The following PHF24 variants were observed in gnomAD, a reference collection of about 807,000 sequenced individuals.
PHF24 encodes the protein Galpha inhibitory interacting protein.
Under a neutral mutation model 42.6 loss-of-function variants are expected in PHF24, and 25 were observed. That is an observed-to-expected ratio of 0.59 (90% confidence interval 0.43 to 0.82). The LOEUF (loss-of-function observed/expected upper bound fraction) is 0.82, where lower values mean the gene tolerates loss of function less well. Among genes scored for constraint, PHF24 ranks in the 40% least tolerant of loss-of-function variants. The probability of loss-of-function intolerance (pLI) is 0.00; values close to 1 mark genes in which losing one functional copy is unlikely to be tolerated. For synonymous variants in PHF24, 185 were observed against 204.8 expected (o/e 0.90, Z 0.83); for missense variants, 470 against 538.1 (o/e 0.87, Z 1.25).
the PHF24 span, among the ~76,000 whole-genome samples, chr9:34,915,057 G>A: frequency 2.5e-5 from 3 of 120,212 alleles, no homozygotes; most frequent in African/African-American, 6.5e-5. Context: ...TTTTGAGACA[G>A]GGTTTTACTT....
At chr9:34,925,801 G>A in the PHF24 span, among the ~76,000 whole-genome samples, 3 of 152,146 alleles carry the variant, frequency 2.0e-5, no homozygotes, top group East Asian at 5.8e-4. Context: ...CAAGATTGGG[G>A]CCTGTTACTA....
At chr9:34,694,159 C>CTTT in the PHF24 span, among the ~76,000 whole-genome samples, 168 of 66,182 alleles carry the variant, frequency 2.5e-3, 21 homozygotes, top group Non-Finnish European at 3.9e-3. Flanking sequence ...TATCTCTATT[C>CTTT]TTTTTTTTTT....
At chr9:34,949,352 A>G in the PHF24 span, among the ~76,000 whole-genome samples, 2 of 152,158 alleles carry the variant, frequency 1.3e-5, no homozygotes, top group African/African-American at 2.4e-5. Context: ...GAAACAACAG[A>G]TGCTGGCGAG....
chr9:34,976,820 C>A, intron 5 of PHF24, 80 bp downstream of exon 5: 3 of 1,253,202 alleles, frequency 2.4e-6, no homozygotes, highest in Non-Finnish European at 3.4e-6. Flanking sequence ...ATTGGGGGAG[C>A]ACTGGGTCCT....
In PHF24 at chr9:34,970,828, C is replaced by T. The variant is rs560951135; in HGVS notation, c.-4-467C>T. On this transcript the variant is annotated intron_variant, in intron 1 of 7. Transcript: ENST00000242315. ...GATATCATTTCATGCACGTAGAGTG[C>T]TTTCCAGTCTACGAAGCACCATTAT... Among the ~76,000 whole-genome samples the T allele has an allele frequency of 1.6e-4, 24 of 152,312 alleles. No individual in the cohort carries two copies. The South Asian group carries it at 4.6e-3, about 29-fold the overall frequency.
chr9:34,690,798 CCTT>C, the PHF24 span, among the ~76,000 whole-genome samples: 8 of 152,092 alleles, frequency 5.3e-5, no homozygotes, highest in African/African-American at 1.9e-4. Context: ...AAGCAAATCT[CCTT>C]CTGCCTGGGA....
chr9:34,723,817 A>T, the PHF24 span: 4 of 1,551,498 alleles, frequency 2.6e-6, no homozygotes, highest in African/African-American at 4.1e-5. Flanking sequence ...GCTTGGTTTG[A>T]CTGTCTTGCA....
chr9:34,699,959 T>C, the PHF24 span, among the ~76,000 whole-genome samples: 1 of 152,202 alleles, frequency 6.6e-6, no homozygotes, highest in African/African-American at 2.4e-5. Context: ...GGGGTTATTT[T>C]AAATAAGGCA....
the PHF24 span, among the ~76,000 whole-genome samples, chr9:34,671,484 C>T: frequency 2.6e-5 from 4 of 152,208 alleles, no homozygotes; most frequent in Non-Finnish European, 5.9e-5. Context: ...CCAAGGACTC[C>T]AGAAAGCAGC....
At chr9:34,886,530 T>C in the PHF24 span, among the ~76,000 whole-genome samples, 2 of 152,226 alleles carry the variant, frequency 1.3e-5, no homozygotes, top group Non-Finnish European at 2.9e-5. Context: ...ACCTTCTCCT[T>C]AAAACACTTT....
At chr9:34,755,024 G>C in the PHF24 span, among the ~76,000 whole-genome samples, 4 of 152,168 alleles carry the variant, frequency 2.6e-5, no homozygotes, top group African/African-American at 9.6e-5. Context: ...CTCATGGAGA[G>C]AGAGAGAGTA....
the PHF24 span, among the ~76,000 whole-genome samples, chr9:34,879,243 A>T: frequency 7.2e-5 from 11 of 151,760 alleles, no homozygotes; most frequent in African/African-American, 2.4e-4. Flanking sequence ...AGATAAAACC[A>T]CAAAGATGGG....
chr9:34,927,435 G>T, the PHF24 span, among the ~76,000 whole-genome samples: 1 of 152,180 alleles, frequency 6.6e-6, no homozygotes, highest in South Asian at 2.1e-4. Flanking sequence ...CCCACAGGGA[G>T]TGGGATGGGG....
the PHF24 span, chr9:34,709,116 C>A: frequency 1.9e-6 from 1 of 540,312 alleles, no homozygotes. Flanking sequence ...TGATGATTCT[C>A]CTTCAAGGGG....
At chr9:34,804,862 C>G in the PHF24 span, among the ~76,000 whole-genome samples, 1 of 152,324 alleles carries the variant, frequency 6.6e-6, no homozygotes, top group East Asian at 1.9e-4. Flanking sequence ...TACCTTTTAT[C>G]TACCACATCT....
chr9:34,666,608 C>T, the PHF24 span, among the ~76,000 whole-genome samples: 1 of 139,796 alleles, frequency 7.2e-6, no homozygotes, highest in South Asian at 2.2e-4. Flanking sequence ...TGCTGAATGA[C>T]CACCTGTGTG....
chr9:34,786,655 T>A, the PHF24 span, among the ~76,000 whole-genome samples: 6 of 152,206 alleles, frequency 3.9e-5, no homozygotes, highest in Non-Finnish European at 7.3e-5. Context: ...TTTCCACATA[T>A]AAATAGAGGA....
At chr9:34,769,633 G>A in the PHF24 span, among the ~76,000 whole-genome samples, 2 of 152,148 alleles carry the variant, frequency 1.3e-5, no homozygotes, top group Non-Finnish European at 1.5e-5. Context: ...AAAGAACTAT[G>A]ATAGCACTGA....
the PHF24 span, chr9:34,894,415 G>A: frequency 2.5e-6 from 1 of 398,542 alleles, no homozygotes; most frequent in Non-Finnish European, 4.4e-6. Flanking sequence ...CTAGCAGCTG[G>A]GAGACTGCAA....
Sources: gnomAD v4.1 joint callset for allele counts (sites outside exome capture counted in the v4.1 genomes callset) on GRCh38, gnomAD v4.1.1 for gene constraint, MANE v1.5 for transcripts, NCBI Gene and HGNC (gene_info 2026-07-23, HGNC 2026-07-21) for gene names.